Variants in SESN3 observed in about 807,000 individuals in gnomAD.
The protein encoded by SESN3 is sestrin 3, also known as sestrin-3.
Under a neutral mutation model 55.3 loss-of-function variants are expected in SESN3, and 21 were observed. The observed-to-expected ratio is 0.38, with a 90% CI of 0.27 to 0.55. The LOEUF is 0.55. Among genes scored for constraint, SESN3 ranks in the 20% least tolerant of loss-of-function variants. SESN3 has a pLI of 0.76. For missense variants in SESN3, 408 were observed against 604.3 expected (o/e 0.68, Z 3.41); for synonymous variants, 181 against 203.1 (o/e 0.89, Z 0.93).
At position 95,191,443 on chromosome 11, in the gene SESN3, A is replaced by G. The variant is rs1326867650; in HGVS notation, c.303T>C (p.Gly101=). ...RSQFYMLRMD[G]PLPLPYRHYI... Reference sequence around the variant, plus strand: ...AGTGCCTGTATGGTAGAGGAAGGGGACCATCCATGCGCAACATGTAAAACT... The same window carrying G: ...AGTGCCTGTATGGTAGAGGAAGGGGGCCATCCATGCGCAACATGTAAAACT... The change falls in exon 3 of 10, where the codon GGT becomes GGC. Residue 101 remains glycine (G), a synonymous_variant. Coordinates refer to ENST00000536441, the MANE Select transcript of SESN3 (RefSeq NM_144665.4). 4 of 1,612,936 alleles carry G rather than the reference A, an allele frequency of 2.5e-6. No homozygotes were observed. The East Asian group carries it at 8.9e-5, about 36-fold the overall frequency.
At chr11:95,173,979 A>G (rs1364975774) in intron 9 of SESN3, among the ~76,000 whole-genome samples, 1 of 152,202 alleles carries the variant, frequency 6.6e-6, no homozygotes, top group Non-Finnish European at 1.5e-5. Flanking sequence ...ATATATTTAT[A>G]CCAGTTGGAT....
At chr11:95,211,225 C>G (rs564938505) in intron 1 of SESN3, among the ~76,000 whole-genome samples, 1 of 152,282 alleles carries the variant, frequency 6.6e-6, no homozygotes, top group South Asian at 2.1e-4. Flanking sequence ...CCTCGTTGTT[C>G]ATTCTGTTCC....
At chr11:95,208,732 A>C (rs1213852162) in intron 1 of SESN3, among the ~76,000 whole-genome samples, 1 of 151,524 alleles carries the variant, frequency 6.6e-6, no homozygotes, top group Non-Finnish European at 1.5e-5. Flanking sequence ...ATATAGACCA[A>C]TGGAACAGAA....
intron 1 of SESN3, among the ~76,000 whole-genome samples, chr11:95,214,726 TAA>T (rs35086733): frequency 6.6e-5 from 10 of 152,142 alleles, no homozygotes; most frequent in Admixed American, 4.6e-4. Context: ...CTTCTTTGAT[TAA>T]AAAAAGTTTT....
intron 7 of SESN3, 78 bp downstream of exon 7, chr11:95,178,632 C>A: frequency 5.6e-6 from 5 of 893,970 alleles, no homozygotes; most frequent in East Asian, 2.4e-5. Flanking sequence ...TTGTTTAGTG[C>A]CAATTTTTAA....
chr11:95,204,221 T>C (rs763730005), intron 1 of SESN3, among the ~76,000 whole-genome samples: 1 of 152,164 alleles, frequency 6.6e-6, no homozygotes, highest in African/African-American at 2.4e-5. Context: ...GAAGCTTCAT[T>C]ACACTATTTT....
At chr11:95,176,996 C>T (rs1031191427) in intron 8 of SESN3, among the ~76,000 whole-genome samples, 8 of 151,928 alleles carry the variant, frequency 5.3e-5, no homozygotes, top group African/African-American at 1.5e-4. Context: ...TTTGCTTAAC[C>T]GATTAAATTC....
At chr11:95,177,446 A>T (rs1859978978) in intron 8 of SESN3, among the ~76,000 whole-genome samples, 1 of 152,138 alleles carries the variant, frequency 6.6e-6, no homozygotes, top group African/African-American at 2.4e-5. Context: ...AAGGATTCTC[A>T]AATTTGGTCT....
Position 95,230,967 on chromosome 11 carries a change from C to T in SESN3, c.-107G>A. 1.5e-6 allele frequency: 1 copy of T among 663,162 alleles called. No individual in the cohort carries two copies. The highest frequency in any genetic ancestry group is 2.3e-6 in the Non-Finnish European group (1 of 438,438). The allele number at this position is 663,162 out of a possible 1,614,324, so 41.1% of individuals were successfully genotyped here. On this transcript the variant is annotated 5_prime_UTR_variant, in exon 1 of 10. Coordinates refer to ENST00000536441, the MANE Select transcript of SESN3 (RefSeq NM_144665.4). The surrounding 1 kb of genome is among the most constrained non-coding windows in gnomAD (Gnocchi z 4.6). Reference sequence around the variant, plus strand: ...CCCCCGCCGCCAGCCGCGATTCCGCCTCAGCCTCCTCAAGGCGGGATGTCG... The same window carrying T: ...CCCCCGCCGCCAGCCGCGATTCCGCTTCAGCCTCCTCAAGGCGGGATGTCG...
chr11:95,219,788 T>C (rs1307287555), intron 1 of SESN3, among the ~76,000 whole-genome samples: 1 of 152,148 alleles, frequency 6.6e-6, no homozygotes, highest in Admixed American at 6.5e-5. Flanking sequence ...ATTACCTTTT[T>C]AATGCTGAGT....
intron 6 of SESN3, among the ~76,000 whole-genome samples, chr11:95,182,343 A>G (rs898471244): frequency 9.2e-5 from 14 of 152,220 alleles, no homozygotes; most frequent in Admixed American, 8.5e-4. Context: ...TTTTCCTTCA[A>G]CCTCACCTCT....
At chr11:95,222,910 C>T (rs568560064) in intron 1 of SESN3, among the ~76,000 whole-genome samples, 1 of 152,286 alleles carries the variant, frequency 6.6e-6, no homozygotes, top group South Asian at 2.1e-4. Flanking sequence ...TATGGGGACA[C>T]ATGACTAAAC....
At chr11:95,176,588 A>G (rs573829809) in intron 8 of SESN3, among the ~76,000 whole-genome samples, 11 of 152,326 alleles carry the variant, frequency 7.2e-5, no homozygotes, top group African/African-American at 2.6e-4. Context: ...AGGTAGGTAA[A>G]TGTAGTATTG....
chr11:95,211,550 G>A (rs1348697519), intron 1 of SESN3, among the ~76,000 whole-genome samples: 3 of 152,152 alleles, frequency 2.0e-5, no homozygotes, highest in South Asian at 2.1e-4. Context: ...AGTGGGCCAC[G>A]AGGTCAGGAG....
intron 1 of SESN3, among the ~76,000 whole-genome samples, chr11:95,227,513 G>GTATTTT (rs1284305001): frequency 6.6e-6 from 1 of 151,978 alleles, no homozygotes; most frequent in African/African-American, 2.4e-5. Flanking sequence ...CCTCAATCTA[G>GTATTTT]TATTTTTCAT....
Position 95,173,039 on chromosome 11 carries a change from G to C in SESN3, c.*216C>G, listed in dbSNP as rs888631365. On this transcript the variant is annotated 3_prime_UTR_variant, in exon 10 of 10. Coordinates refer to ENST00000536441, the MANE Select transcript of SESN3 (RefSeq NM_144665.4). ...AAACAATGCAAAGTAGTGCTCCTCA[G>C]TATTATTTTTGCAATTGTTAGTAAT... 1.1e-5 allele frequency: 5 copies of C among 442,676 alleles called. No homozygotes were observed. Among genetic ancestry groups the C allele is most frequent in the Non-Finnish European group, 2.1e-5 (5 of 243,050 alleles). The allele number at this position is 442,676 out of a possible 1,614,324, so 27.4% of individuals were successfully genotyped here.
In SESN3 at chr11:95,178,948, G is replaced by A. The variant is rs1021812425; in HGVS notation, c.938-120C>T. 4 of 582,636 alleles carry A rather than the reference G, an allele frequency of 6.9e-6. No homozygotes were observed. The Admixed American group carries it at 1.1e-4, about 15-fold the overall frequency. The allele number at this position is 582,636 out of a possible 1,614,324, so 36.1% of individuals were successfully genotyped here. On this transcript the variant is annotated intron_variant, in intron 6 of 9. Coordinates refer to ENST00000536441, the MANE Select transcript of SESN3 (RefSeq NM_144665.4). The stretch of plus-strand genomic sequence containing the variant: ...CATGGATTTCTAAAGTGAAAACATG[G>A]ACTCCGTGACTTTATATAAAATATC...
Position 95,177,816 on chromosome 11 carries a change from T to C in SESN3, c.1150A>G (p.Asn384Asp). 6.2e-7 allele frequency: 1 copy of C among 1,606,996 alleles called. No homozygotes were observed. The highest frequency in any genetic ancestry group is 8.5e-7 in the Non-Finnish European group (1 of 1,178,006). Residue 384 changes from asparagine (N) to aspartate (D), a missense_variant, in exon 8 of 10, where the codon AAT becomes GAT. Asn to Asp is a conservative substitution (Grantham distance 23). Transcript: ENST00000536441. ...LLDEKFRMVYNLTYNTMATHE... is the reference protein window; with the variant it reads ...LLDEKFRMVYDLTYNTMATHE... The stretch of plus-strand genomic sequence containing the variant: ...GTGGCCATAGTGTTATATGTGAGAT[T>C]GTAGACCATCCGAAACTTTTCATCA...
intron 6 of SESN3, among the ~76,000 whole-genome samples, chr11:95,183,797 G>C (rs1860109824): frequency 6.6e-6 from 1 of 151,122 alleles, no homozygotes; most frequent in Non-Finnish European, 1.5e-5. Context: ...TATCTTTTTA[G>C]TTGTAATTGA....
Sources: allele counts gnomAD v4.1 joint callset (sites outside exome capture counted in the v4.1 genomes callset), GRCh38; gene constraint gnomAD v4.1.1; non-coding constraint Gnocchi (gnomAD v3.1); transcripts MANE v1.5; gene names NCBI Gene and HGNC (gene_info 2026-07-23, HGNC 2026-07-21).